Variants in PCDHGA1 observed in about 807,000 individuals in gnomAD.
PCDHGA1 encodes the protein protocadherin gamma-A1.
Under a neutral mutation model 58.0 loss-of-function variants are expected in PCDHGA1, and 32 were observed. That is an observed-to-expected ratio of 0.55 (90% CI 0.42 to 0.74). The LOEUF (loss-of-function observed/expected upper bound fraction) is 0.74. Ranked by LOEUF, PCDHGA1 falls within the 30% of genes least tolerant of loss-of-function variation. The pLI is 0.00. For synonymous variants in PCDHGA1, 498 were observed against 501.1 expected (o/e 0.99, Z 0.08); for missense variants, 1,205 against 1,182.3 (o/e 1.02, Z -0.28).
intron 3 of PCDHGA1, among the ~76,000 whole-genome samples, chr5:141,507,500 A>G (rs2099861039): frequency 6.6e-6 from 1 of 152,206 alleles, no homozygotes; most frequent in Admixed American, 6.5e-5. Flanking sequence ...GAGCTGTCCC[A>G]GGTCTGGTGG....
chr5:141,389,410 GCGGGGTGGTGTTCGCGCAGCGCGC>G, intron 1 of PCDHGA1: 1 of 1,613,600 alleles, frequency 6.2e-7, no homozygotes, highest in Non-Finnish European at 8.5e-7. Context: ...AGCGCGGAGA[GCGGGGTGGTGTTCGCGCAGCGCGC>G]CTTCGACCAC....
chr5:141,346,362 G>C, intron 1 of PCDHGA1: 2 of 1,614,250 alleles, frequency 1.2e-6, no homozygotes, highest in Non-Finnish European at 8.5e-7. Flanking sequence ...CAACTATGCG[G>C]ACACGCTCAT....
chr5:141,356,683 A>G, intron 1 of PCDHGA1: 1 of 1,613,916 alleles, frequency 6.2e-7, no homozygotes, highest in Non-Finnish European at 8.5e-7. Flanking sequence ...GGCCGAAGAC[A>G]CCTTCCAGGG....
At chr5:141,363,522 T>C (rs1028611491) in intron 1 of PCDHGA1, among the ~76,000 whole-genome samples, 2 of 152,254 alleles carry the variant, frequency 1.3e-5, no homozygotes, top group Non-Finnish European at 2.9e-5. Context: ...GTTACTATAC[T>C]GGTTGTCACT....
intron 1 of PCDHGA1, chr5:141,407,909 G>T: frequency 4.7e-6 from 2 of 425,700 alleles, no homozygotes; most frequent in Non-Finnish European, 8.3e-6. Context: ...TGAAAAACCG[G>T]GCTGCTGTCC....
chr5:141,485,177 C>T lies in PCDHGA1; in HGVS notation c.2422-9630C>T. ...AGAGAATTAGCGGGCGGCAGCAATG[C>T]TCCGCAAGGTGAGAAGCTGGACAGA... On this transcript the variant is annotated intron_variant, in intron 1 of 3. Coordinates refer to ENST00000517417, the MANE Select transcript of PCDHGA1 (RefSeq NM_018912.3). This position sits in a 1 kb window ranked among gnomAD's most constrained non-coding sequence, Gnocchi z 5.7. 1 of 1,612,024 alleles carries T rather than the reference C, an allele frequency of 6.2e-7. No homozygotes were observed. Among genetic ancestry groups the T allele is most frequent in the South Asian group, 1.1e-5 (1 of 90,956 alleles).
At chr5:141,365,935 C>T (rs1191838027) in intron 1 of PCDHGA1, 1 of 1,614,222 alleles carries the variant, frequency 6.2e-7, no homozygotes, top group Non-Finnish European at 8.5e-7. Context: ...TGACAGCCAG[C>T]GACAGTGGGA....
At chr5:141,352,261 AT>A in intron 1 of PCDHGA1, 3 of 1,614,060 alleles carry the variant, frequency 1.9e-6, no homozygotes, top group Non-Finnish European at 2.5e-6. Flanking sequence ...TGCAAGAGGT[AT>A]TGCCAGACCT....
At chr5:141,497,818 G>T (rs2099779657) in intron 2 of PCDHGA1, among the ~76,000 whole-genome samples, 1 of 152,194 alleles carries the variant, frequency 6.6e-6, no homozygotes, top group African/African-American at 2.4e-5. Context: ...AGAATTACAG[G>T]TGTGATCGCC....
intron 1 of PCDHGA1, among the ~76,000 whole-genome samples, chr5:141,436,896 A>C (rs567359498): frequency 6.6e-6 from 1 of 152,368 alleles, no homozygotes; most frequent in East Asian, 1.9e-4. Context: ...AAAGATTTTT[A>C]TATGAGACAA....
intron 1 of PCDHGA1, chr5:141,342,923 T>C (rs1415098450): frequency 1.3e-5 from 2 of 152,330 alleles, no homozygotes; most frequent in South Asian, 2.1e-4. Flanking sequence ...ACCCTGAAGG[T>C]CTGTGATTTC....
chr5:141,428,200 G>A (rs1000165985), intron 1 of PCDHGA1: 3 of 1,363,858 alleles, frequency 2.2e-6, no homozygotes, highest in East Asian at 2.3e-5. Flanking sequence ...TCTCTGCGCC[G>A]CTACGCTTCA....
chr5:141,415,455 G>A (rs571718366), intron 1 of PCDHGA1: 2 of 1,614,186 alleles, frequency 1.2e-6, no homozygotes, highest in African/African-American at 1.3e-5. Context: ...ATTCCCACGA[G>A]GTCTCTCTCA....
chr5:141,355,063 C>G (rs902736924), intron 1 of PCDHGA1: 8 of 1,314,420 alleles, frequency 6.1e-6, no homozygotes, highest in Non-Finnish European at 7.2e-6. Flanking sequence ...GGCTCTGGAG[C>G]TTTATGAAAG....
chr5:141,480,651 C>T (rs780138971), intron 1 of PCDHGA1, among the ~76,000 whole-genome samples: 1 of 152,174 alleles, frequency 6.6e-6, no homozygotes, highest in African/African-American at 2.4e-5. Flanking sequence ...CTTGGTTGCA[C>T]ATTAAAATCA....
chr5:141,394,863 C>T (rs758408774), intron 1 of PCDHGA1: 37 of 1,613,708 alleles, frequency 2.3e-5, no homozygotes, highest in Non-Finnish European at 2.9e-5. Context: ...TTCGGTCGAC[C>T]CGAACGATTC....
rs747584731 is a variant in PCDHGA1, at chr5:141,344,291, C to A, written c.2421+11186C>A. The A allele has an allele frequency of 6.8e-6, 11 of 1,613,940 alleles. No homozygotes were observed. The East Asian group carries it at 2.5e-4, about 36-fold the overall frequency. On this transcript the variant is annotated intron_variant, in intron 1 of 3. Transcript: ENST00000517417. ...ATCCGCAAAGCGGCAGCTTGGTCAC[C>A]GCGGAGAGGATAGACCGGGAGGAGC... is the stretch of plus-strand genomic sequence containing the variant.
chr5:141,493,340 T>C lies in PCDHGA1; in HGVS notation c.2422-1467T>C, dbSNP rs889623993. Among the ~76,000 whole-genome samples, 1 of 152,202 alleles carries C rather than the reference T, an allele frequency of 6.6e-6. No homozygotes were observed. Among genetic ancestry groups the C allele is most frequent in the Admixed American group, 6.5e-5 (1 of 15,288 alleles). Reference sequence around the variant, plus strand: ...TTCTAACCCCTGTCTAACTCCAGAATGTGTGCTTTTAATTTCTTGGCACTT... The same window carrying C: ...TTCTAACCCCTGTCTAACTCCAGAACGTGTGCTTTTAATTTCTTGGCACTT... On this transcript the variant is annotated intron_variant, in intron 1 of 3. Coordinates refer to ENST00000517417, the MANE Select transcript of PCDHGA1 (RefSeq NM_018912.3). The surrounding 1 kb of genome is among the most constrained non-coding windows in gnomAD (Gnocchi z 4.3).
intron 2 of PCDHGA1, among the ~76,000 whole-genome samples, chr5:141,503,072 C>T (rs2099817948): frequency 6.6e-6 from 1 of 151,728 alleles, no homozygotes; most frequent in Non-Finnish European, 1.5e-5. Flanking sequence ...TCAGAATGGT[C>T]TCGATCTCCT....
Sources: allele counts gnomAD v4.1 joint callset (sites outside exome capture counted in the v4.1 genomes callset), GRCh38; gene constraint gnomAD v4.1.1; non-coding constraint Gnocchi (gnomAD v3.1); transcripts MANE v1.5; gene names NCBI Gene and HGNC (gene_info 2026-07-23, HGNC 2026-07-21).